The following NDST4 variants were observed in gnomAD, a reference collection of about 807,000 sequenced individuals.
NDST4 encodes N-deacetylase and N-sulfotransferase 4.
Under a neutral mutation model 100.8 loss-of-function variants are expected in NDST4, and 63 were observed. The ratio of observed to expected loss-of-function variants is 0.62; its 90% confidence interval spans 0.51 to 0.77. The LOEUF (loss-of-function observed/expected upper bound fraction) is 0.77, where lower values mean the gene tolerates loss of function less well. NDST4 is among the 30% of genes least tolerant of loss of function. NDST4 has a pLI of 0.00. For synonymous variants in NDST4, 377 were observed against 361.8 expected, an observed-to-expected ratio of 1.04 and a Z score of -0.48; for missense variants, 943 against 1,018.4, an observed-to-expected ratio of 0.93 and a Z score of 1.01.
rs1285986691 is a variant in NDST4 at position 114,893,592 on chromosome 4, T to C, written c.1537-22642A>G. The stretch of plus-strand genomic sequence containing the variant: ...CCTTTGTCCACTTTCTGATGTGTTT[T>C]TTTTTTCTTGTAAATGTGTTTAAGT... On this transcript the variant is annotated intron_variant, in intron 6 of 13. Coordinates refer to ENST00000264363, the MANE Select transcript of NDST4 (RefSeq NM_022569.3). Among the ~76,000 whole-genome samples the C allele has an allele frequency of 2.0e-5, 3 of 151,804 alleles. No individual in the cohort carries two copies. The East Asian group carries it at 5.8e-4, about 29-fold the overall frequency.
At chr4:114,988,135 A>T (rs1229755142) in intron 2 of NDST4, among the ~76,000 whole-genome samples, 1 of 152,030 alleles carries the variant, frequency 6.6e-6, no homozygotes, top group African/African-American at 2.4e-5. Flanking sequence ...TTTAGAATTA[A>T]CAATTATAAT....
chr4:114,867,646 TAAAAAAAAAAAAAAAAAGCAA>T (rs776560264), intron 7 of NDST4, among the ~76,000 whole-genome samples: 4 of 26,778 alleles, frequency 1.5e-4, no homozygotes, highest in Non-Finnish European at 3.1e-4. Context: ...ATGAGAATTA[TAAAAAAAAAAAAAAAAAGCAA>T]AAAAAAAAAA....
At chr4:114,984,460 C>T (rs553984290) in intron 2 of NDST4, among the ~76,000 whole-genome samples, 7 of 152,116 alleles carry the variant, frequency 4.6e-5, no homozygotes, top group Admixed American at 1.3e-4. Context: ...TGAGCAACGG[C>T]GCCAGGCCTA....
intron 2 of NDST4, among the ~76,000 whole-genome samples, chr4:114,981,004 A>G (rs556362068): frequency 6.6e-6 from 1 of 151,972 alleles, no homozygotes; most frequent in East Asian, 2.0e-4. Context: ...CTTGAGCTTA[A>G]GAGTCAAAGC....
chr4:114,867,665 C>CAAAAAAAAAAAAAAAAAAAAACAAA, intron 7 of NDST4, among the ~76,000 whole-genome samples: 1 of 79,900 alleles, frequency 1.3e-5, no homozygotes, highest in African/African-American at 4.9e-5. Flanking sequence ...AAAAAAAAAG[C>CAAAAAAAAAAAAAAAAAAAAACAAA]AAAAAAAAAA....
At chr4:115,025,345 G>A (rs76139712) in intron 2 of NDST4, among the ~76,000 whole-genome samples, 2,279 of 152,222 alleles carry the variant, frequency 0.015, 66 homozygotes, top group African/African-American at 0.052. Context: ...ATGCTACTCG[G>A]ATTTGACAAT....
chr4:114,850,088 G>A (rs1723640783), intron 8 of NDST4, among the ~76,000 whole-genome samples: 1 of 152,104 alleles, frequency 6.6e-6, no homozygotes. Flanking sequence ...CTTAAGGGGG[G>A]TGGAGAGAAA....
chr4:115,040,763 A>G (rs1436824336), intron 2 of NDST4, among the ~76,000 whole-genome samples: 1 of 152,086 alleles, frequency 6.6e-6, no homozygotes, highest in Non-Finnish European at 1.5e-5. Flanking sequence ...CTCTACTAAT[A>G]GTAAGATGAA....
chr4:114,852,096 T>G (rs187744341), intron 8 of NDST4, among the ~76,000 whole-genome samples: 29 of 152,290 alleles, frequency 1.9e-4, no homozygotes, highest in Non-Finnish European at 3.5e-4. Context: ...TAATTGAAAG[T>G]GTCATCTCAT....
At chr4:115,019,984 T>TA (rs939775916) in intron 2 of NDST4, among the ~76,000 whole-genome samples, 18 of 151,928 alleles carry the variant, frequency 1.2e-4, no homozygotes, top group South Asian at 2.1e-4. Context: ...CAAGTCAGAC[T>TA]AAAAAAAATT....
At chr4:115,107,798 C>T (rs916771074) in intron 1 of NDST4, among the ~76,000 whole-genome samples, 1 of 151,926 alleles carries the variant, frequency 6.6e-6, no homozygotes, top group African/African-American at 2.4e-5. Flanking sequence ...TTTTTATGAA[C>T]ATTATTGAGC....
At chr4:114,893,219 C>A (rs1046971842) in intron 6 of NDST4, among the ~76,000 whole-genome samples, 1 of 152,062 alleles carries the variant, frequency 6.6e-6, no homozygotes, top group Admixed American at 6.6e-5. Flanking sequence ...GTGCATGTGT[C>A]CTTATGATAG....
At chr4:114,851,363 A>T (rs1046618047) in intron 8 of NDST4, among the ~76,000 whole-genome samples, 5 of 152,152 alleles carry the variant, frequency 3.3e-5, no homozygotes, top group African/African-American at 4.8e-5. Flanking sequence ...TTACCATCTG[A>T]TTCCTTTGTT....
chr4:114,829,256 T>A (rs780655807), intron 13 of NDST4, among the ~76,000 whole-genome samples: 3 of 151,566 alleles, frequency 2.0e-5, no homozygotes. Flanking sequence ...TCTATTGAAA[T>A]ATTTTCCTGC....
At chr4:115,035,158 C>A (rs981482857) in intron 2 of NDST4, among the ~76,000 whole-genome samples, 1 of 152,082 alleles carries the variant, frequency 6.6e-6, no homozygotes, top group African/African-American at 2.4e-5. Flanking sequence ...TTGCAACTTT[C>A]ATTTGTTTAA....
At chr4:114,888,685 C>T (rs1168954143) in intron 6 of NDST4, among the ~76,000 whole-genome samples, 1 of 152,114 alleles carries the variant, frequency 6.6e-6, no homozygotes, top group Non-Finnish European at 1.5e-5. Flanking sequence ...CTTGTTAATC[C>T]ATAAGTTATT....
At chr4:115,013,217 A>G (rs1339842838) in intron 2 of NDST4, among the ~76,000 whole-genome samples, 1 of 151,192 alleles carries the variant, frequency 6.6e-6, no homozygotes, top group East Asian at 1.9e-4. Context: ...TATAATTGGA[A>G]TGTTTATAAC....
chr4:114,924,970 T>TA (rs2126220617), intron 6 of NDST4, among the ~76,000 whole-genome samples: 1 of 152,252 alleles, frequency 6.6e-6, no homozygotes, highest in Non-Finnish European at 1.5e-5. Context: ...TATGTACATC[T>TA]ATTATGTATC....
chr4:114,846,059 G>T, intron 9 of NDST4, 62 bp from the exon 10 acceptor site: 1 of 1,251,486 alleles, frequency 8.0e-7, no homozygotes, highest in Non-Finnish European at 1.1e-6. Flanking sequence ...TATTCTGAAT[G>T]TGAAATAATT....
Sources: allele counts gnomAD v4.1 joint callset (sites outside exome capture counted in the v4.1 genomes callset), GRCh38; gene constraint gnomAD v4.1.1; transcripts MANE v1.5; gene names NCBI Gene and HGNC (gene_info 2026-07-23, HGNC 2026-07-21).